The following CTNNA3 variants were observed in gnomAD, a reference collection of about 807,000 sequenced individuals.
CTNNA3 encodes catenin alpha 3, also known as catenin alpha-3.
CTNNA3 carries 76 observed loss-of-function variants against 95.7 expected under a neutral mutation model. The ratio of observed to expected loss-of-function variants is 0.79; its 90% confidence interval spans 0.66 to 0.96. The LOEUF (loss-of-function observed/expected upper bound fraction) is 0.96. Among genes scored for constraint, CTNNA3 ranks in the 40% least tolerant of loss-of-function variants. CTNNA3 has a pLI of 0.00. For synonymous variants in CTNNA3, 431 were observed against 374.4 expected (o/e 1.15, Z -1.74); for missense variants, 1,191 against 1,089.8 (o/e 1.09, Z -1.31).
rs2077058167 is a variant in CTNNA3, at chr10:65,920,065, T to C, written c.*265A>G. The C allele has an allele frequency of 6.3e-6, 3 of 472,646 alleles. No individual in the cohort carries two copies. The highest frequency in any genetic ancestry group is 5.9e-5 in the African/African-American group (3 of 51,238). The allele number at this position is 472,646 out of a possible 1,614,324, so 29.3% of individuals were successfully genotyped here. Reference sequence around the variant, plus strand: ...GGTAACGAATAGTAGATAATCTCTATGATGGGAAACGCTGAATGACACGTG... The same window carrying C: ...GGTAACGAATAGTAGATAATCTCTACGATGGGAAACGCTGAATGACACGTG... On this transcript the variant is annotated 3_prime_UTR_variant, in exon 18 of 18. Coordinates refer to ENST00000433211, the MANE Select transcript of CTNNA3 (RefSeq NM_013266.4).
chr10:66,613,471 T>C (rs1397823856), intron 10 of CTNNA3, among the ~76,000 whole-genome samples: 6 of 151,968 alleles, frequency 3.9e-5, no homozygotes, highest in Non-Finnish European at 8.8e-5. Context: ...GGCTGTGTAA[T>C]TGGAACAAGA....
At chr10:66,597,238 G>T (rs1416546435) in intron 10 of CTNNA3, among the ~76,000 whole-genome samples, 1 of 151,630 alleles carries the variant, frequency 6.6e-6, no homozygotes, top group Non-Finnish European at 1.5e-5. Context: ...AGAGAAAAAG[G>T]CAGAAAGCAT....
intron 4 of CTNNA3, among the ~76,000 whole-genome samples, chr10:67,524,882 A>T (rs1018556312): frequency 6.6e-6 from 1 of 152,214 alleles, no homozygotes; most frequent in Non-Finnish European, 1.5e-5. Flanking sequence ...AAGAGTATTC[A>T]CTTGGCTTGA....
chr10:67,144,142 G>A (rs1405809610), intron 7 of CTNNA3, among the ~76,000 whole-genome samples: 1 of 152,210 alleles, frequency 6.6e-6, no homozygotes, highest in Admixed American at 6.5e-5. Context: ...CATTGTCAAT[G>A]AGCAATATTT....
intron 16 of CTNNA3, among the ~76,000 whole-genome samples, chr10:65,978,679 C>T (rs1046912738): frequency 1.3e-5 from 2 of 152,110 alleles, no homozygotes; most frequent in Non-Finnish European, 2.9e-5. Flanking sequence ...TATCTCTCAG[C>T]TATTTCACTA....
chr10:67,321,804 A>G (rs1467299464), intron 5 of CTNNA3, among the ~76,000 whole-genome samples: 2 of 152,170 alleles, frequency 1.3e-5, no homozygotes, highest in Non-Finnish European at 1.5e-5. Flanking sequence ...GCAAACTTGT[A>G]TGCAAAATTG....
intron 16 of CTNNA3, among the ~76,000 whole-genome samples, chr10:65,971,317 T>C (rs2078096531): frequency 6.8e-6 from 1 of 146,896 alleles, no homozygotes; most frequent in South Asian, 2.1e-4. Flanking sequence ...TAAAATTAGA[T>C]GGAACTGAAA....
chr10:66,168,510 T>C (rs1320551537), intron 13 of CTNNA3, among the ~76,000 whole-genome samples: 2 of 152,154 alleles, frequency 1.3e-5, no homozygotes, highest in Non-Finnish European at 1.5e-5. Flanking sequence ...AGAATAGTAA[T>C]AGCTATACTC....
chr10:67,437,544 A>G (rs2132918693), intron 5 of CTNNA3, among the ~76,000 whole-genome samples: 1 of 152,234 alleles, frequency 6.6e-6, no homozygotes, highest in East Asian at 1.9e-4. Context: ...ACACAAAAAA[A>G]CAACTAATTT....
At chr10:67,440,949 A>T (rs903305511) in intron 5 of CTNNA3, among the ~76,000 whole-genome samples, 1 of 152,132 alleles carries the variant, frequency 6.6e-6, no homozygotes, top group Non-Finnish European at 1.5e-5. Context: ...CACCAAACAA[A>T]CTAAATAAGG....
At chr10:67,603,288 T>G (rs1843146674) in intron 3 of CTNNA3, among the ~76,000 whole-genome samples, 1 of 152,196 alleles carries the variant, frequency 6.6e-6, no homozygotes, top group Non-Finnish European at 1.5e-5. Context: ...TAACAACATT[T>G]TGGTCAACAA....
intron 5 of CTNNA3, among the ~76,000 whole-genome samples, chr10:67,314,860 A>G (rs1472592829): frequency 6.6e-6 from 1 of 152,218 alleles, no homozygotes; most frequent in East Asian, 1.9e-4. Flanking sequence ...AAGGTTTATC[A>G]GTAGTTTGCC....
Position 66,927,503 on chromosome 10 carries a change from T to C in CTNNA3, c.1048-151979A>G. On this transcript the variant is annotated intron_variant, in intron 7 of 17. Coordinates refer to ENST00000433211, the MANE Select transcript of CTNNA3 (RefSeq NM_013266.4). The surrounding 1 kb of genome is among the most constrained non-coding windows in gnomAD (Gnocchi z 4.7). ...CTGGGATATAACCGGATCCGAAGTT[T>C]AGCCAGGAATGTCTTTGCTGGCATG... 6.2e-7 allele frequency: 1 copy of C among 1,614,160 alleles called. No individual in the cohort carries two copies. Among genetic ancestry groups the C allele is most frequent in the Non-Finnish European group, 8.5e-7 (1 of 1,180,038 alleles).
At chr10:66,212,803 A>G (rs1218742525) in intron 13 of CTNNA3, among the ~76,000 whole-genome samples, 2 of 152,220 alleles carry the variant, frequency 1.3e-5, no homozygotes, top group African/African-American at 2.4e-5. Context: ...CAGGAGTTTG[A>G]GACCAGCCTG....
intron 15 of CTNNA3, among the ~76,000 whole-genome samples, chr10:66,010,253 T>A (rs770940791): frequency 6.6e-6 from 1 of 152,174 alleles, no homozygotes; most frequent in Non-Finnish European, 1.5e-5. Flanking sequence ...AAACTGTCAA[T>A]GACCATAAGG....
chr10:67,357,501 A>G (rs772321110), intron 5 of CTNNA3, among the ~76,000 whole-genome samples: 59 of 152,154 alleles, frequency 3.9e-4, no homozygotes, highest in Admixed American at 8.5e-4. Context: ...TGTAAGATCT[A>G]TAGGAAGAAA....
chr10:66,394,782 A>G (rs534498401), intron 11 of CTNNA3, among the ~76,000 whole-genome samples: 32 of 152,098 alleles, frequency 2.1e-4, no homozygotes, highest in African/African-American at 7.5e-4. Flanking sequence ...AGTTCAAAAT[A>G]CAGAACAACT....
intron 13 of CTNNA3, among the ~76,000 whole-genome samples, chr10:66,259,578 T>G (rs1253967875): frequency 2.0e-5 from 3 of 152,140 alleles, no homozygotes; most frequent in Non-Finnish European, 4.4e-5. Flanking sequence ...CCCTGCACTC[T>G]TCAACTACTC....
chr10:67,573,990 A>C (rs1842058915), intron 3 of CTNNA3, among the ~76,000 whole-genome samples: 1 of 152,212 alleles, frequency 6.6e-6, no homozygotes, highest in African/African-American at 2.4e-5. Flanking sequence ...TGGAATGGTA[A>C]GAATGAAGAA....
Sources: allele counts gnomAD v4.1 joint callset (sites outside exome capture counted in the v4.1 genomes callset), GRCh38; gene constraint gnomAD v4.1.1; non-coding constraint Gnocchi (gnomAD v3.1); transcripts MANE v1.5; gene names NCBI Gene and HGNC (gene_info 2026-07-23, HGNC 2026-07-21).